RALGAPB: variants seen among roughly 807,000 people sequenced by gnomAD.
The protein encoded by RALGAPB is Ral GTPase activating protein non-catalytic subunit beta.
A neutral mutation model predicts 161.1 loss-of-function variants in RALGAPB; 25 were observed. That is an observed-to-expected ratio of 0.16 (90% confidence interval 0.11 to 0.22). The LOEUF is 0.22. RALGAPB is among the 10% of genes least tolerant of loss of function. The probability of loss-of-function intolerance (pLI) is 1.00; values close to 1 mark genes in which losing one functional copy is unlikely to be tolerated. For synonymous variants in RALGAPB, 629 were observed against 626.1 expected, an observed-to-expected ratio of 1.00 and a Z score of -0.07; for missense variants, 1,391 against 1,815.2, an observed-to-expected ratio of 0.77 and a Z score of 4.25.
Position 38,578,354 on chromosome 20 carries a change from T to A in RALGAPB, c.*3387T>A, listed in dbSNP as rs2088512108. 1 of 152,270 alleles carries A rather than the reference T, an allele frequency of 6.6e-6. No homozygotes were observed. Among genetic ancestry groups the A allele is most frequent in the African/African-American group, 2.4e-5 (1 of 41,452 alleles). The allele number at this position is 152,270 out of a possible 1,614,324, so 9.4% of individuals were successfully genotyped here. A position where few individuals can be genotyped will look rare whatever the true frequency, so the allele number is the denominator to read the frequency against. Reference sequence around the variant, plus strand: ...TACTTCTAGTGTGTTTCTCAGAATATCAACTCATGTTCTTCAGATGCTTTT... The same window carrying A: ...TACTTCTAGTGTGTTTCTCAGAATAACAACTCATGTTCTTCAGATGCTTTT... On this transcript the variant is annotated 3_prime_UTR_variant, in exon 30 of 30. Coordinates refer to ENST00000262879, the MANE Select transcript of RALGAPB (RefSeq NM_020336.4).
chr20:38,494,300 C>G (rs202185711), intron 3 of RALGAPB, among the ~76,000 whole-genome samples: 1 of 152,144 alleles, frequency 6.6e-6, no homozygotes, highest in Non-Finnish European at 1.5e-5. Flanking sequence ...CAATTAAATG[C>G]GTGTTGTTTG....
chr20:38,519,014 A>G (rs1476077111), intron 9 of RALGAPB, among the ~76,000 whole-genome samples: 1 of 152,184 alleles, frequency 6.6e-6, no homozygotes, highest in Non-Finnish European at 1.5e-5. Flanking sequence ...ACTAGGATCT[A>G]TGTCTGTGAA....
intron 23 of RALGAPB, 30 bp from the exon 24 acceptor site, chr20:38,562,502 A>C: frequency 6.5e-7 from 1 of 1,535,108 alleles, no homozygotes; most frequent in Non-Finnish European, 8.8e-7. Flanking sequence ...TGTTTCCTTC[A>C]TTATAGCTGA....
chr20:38,560,461 T>C (rs999741095), intron 23 of RALGAPB, among the ~76,000 whole-genome samples: 1 of 152,134 alleles, frequency 6.6e-6, no homozygotes, highest in African/African-American at 2.4e-5. Flanking sequence ...AAAGAGAGCA[T>C]TTCTTCATGA....
At position 38,528,426 on chromosome 20, in the gene RALGAPB, C is replaced by T. The variant is rs577385329; in HGVS notation, c.2050+2384C>T. 1.7e-4 allele frequency among the ~76,000 whole-genome samples: 26 copies of T among 151,662 alleles called. 1 individual carries two copies. The highest frequency in any genetic ancestry group is 5.8e-4 in the African/African-American group (24 of 41,262). On this transcript the variant is annotated intron_variant, in intron 13 of 29. Transcript: ENST00000262879. The stretch of plus-strand genomic sequence containing the variant: ...TTGCTCTGTTGCCCAGGCTGGAGCG[C>T]AGTGGTGCAATCATGGGTCACTGCA...
intron 26 of RALGAPB, chr20:38,569,635 A>C: frequency 2.5e-6 from 1 of 400,102 alleles, no homozygotes; most frequent in Non-Finnish European, 4.6e-6. Context: ...TATTAATGCA[A>C]ATTATAATTA....
At chr20:38,475,853 G>GT (rs2084788663) in intron 1 of RALGAPB, among the ~76,000 whole-genome samples, 1 of 152,246 alleles carries the variant, frequency 6.6e-6, no homozygotes, top group South Asian at 2.1e-4. Flanking sequence ...CTGACCTTAA[G>GT]TGATCTGCCT....
At chr20:38,498,289 CTT>C (rs929182866) in intron 4 of RALGAPB, among the ~76,000 whole-genome samples, 7 of 152,156 alleles carry the variant, frequency 4.6e-5, no homozygotes, top group African/African-American at 1.7e-4. Flanking sequence ...TTTTATAAGA[CTT>C]TACAGTGTAT....
At chr20:38,552,466 A>AT (rs1224980408) in intron 21 of RALGAPB, among the ~76,000 whole-genome samples, 2 of 152,098 alleles carry the variant, frequency 1.3e-5, no homozygotes, top group African/African-American at 4.8e-5. Context: ...GTTTTTAAAT[A>AT]TTTTTTTACA....
At chr20:38,551,016 T>G in intron 20 of RALGAPB, 55 bp from the exon 21 acceptor site, 1 of 1,569,458 alleles carries the variant, frequency 6.4e-7, no homozygotes, top group Non-Finnish European at 8.7e-7. Context: ...ATACATGTCA[T>G]TACAGATGGG....
chr20:38,516,483 G>GACAAAT (rs1433620888), intron 7 of RALGAPB, 113 bp downstream of exon 7: 84 of 1,058,710 alleles, frequency 7.9e-5, no homozygotes, highest in South Asian at 3.5e-4. Flanking sequence ...CAGATTTGAT[G>GACAAAT]ACAAATAACA....
At chr20:38,567,769 A>C (rs905041392) in intron 26 of RALGAPB, among the ~76,000 whole-genome samples, 19 of 152,186 alleles carry the variant, frequency 1.2e-4, no homozygotes, top group Admixed American at 1.2e-3. Flanking sequence ...AGATTGACTT[A>C]GAACAAAACA....
intron 26 of RALGAPB, chr20:38,568,632 A>C (rs915100133): frequency 6.6e-6 from 1 of 152,178 alleles, no homozygotes; most frequent in Non-Finnish European, 1.5e-5. Context: ...GTAAGTAGAA[A>C]ACCCTCAGGA....
intron 24 of RALGAPB, among the ~76,000 whole-genome samples, chr20:38,564,027 G>A (rs1368169276): frequency 2.0e-5 from 3 of 152,152 alleles, no homozygotes; most frequent in Non-Finnish European, 2.9e-5. Flanking sequence ...TGTCCTTATG[G>A]CAAGAAAGAT....
intron 13 of RALGAPB, among the ~76,000 whole-genome samples, chr20:38,528,829 C>A (rs1189125677): frequency 6.6e-6 from 1 of 151,996 alleles, no homozygotes; most frequent in Non-Finnish European, 1.5e-5. Flanking sequence ...TACTGGCACC[C>A]GCCACCACGC....
In RALGAPB at chr20:38,516,223, A is replaced by G. The variant is rs367559863; in HGVS notation, c.904A>G (p.Ile302Val). ...NPVDLSNPAI[I>V]SSTPKFQEQF... ...TGTGGATTTGAGTAACCCAGCTATT[A>G]TAAGCTCTACTCCCAAATTTCAGGA... The change falls in exon 7 of 30, where the codon ATA becomes GTA. Residue 302 changes from isoleucine to valine, a missense_variant. By Grantham distance (29) the Ile-to-Val change is conservative. Around this residue, in one of 3 missense-constraint regions of RALGAPB, gnomAD observed 946 missense variants for 1,257.2 expected, o/e 0.75. Transcript: ENST00000262879. The G allele has an allele frequency of 6.2e-7, 1 of 1,611,588 alleles. No homozygotes were observed. Among genetic ancestry groups the G allele is most frequent in the Non-Finnish European group, 8.5e-7 (1 of 1,178,442 alleles).
At chr20:38,506,101 A>T (rs895629390) in intron 5 of RALGAPB, among the ~76,000 whole-genome samples, 1 of 152,204 alleles carries the variant, frequency 6.6e-6, no homozygotes, top group Admixed American at 6.5e-5. Flanking sequence ...AGGGATGTGT[A>T]TGCATTGTAT....
At chr20:38,518,473 A>G (rs996563377) in intron 9 of RALGAPB, among the ~76,000 whole-genome samples, 2 of 152,188 alleles carry the variant, frequency 1.3e-5, no homozygotes, top group Admixed American at 1.3e-4. Context: ...AGAGAACTTT[A>G]TTTCAAGGGC....
intron 3 of RALGAPB, among the ~76,000 whole-genome samples, chr20:38,493,724 C>G (rs866244745): frequency 1.3e-5 from 2 of 152,140 alleles, no homozygotes; most frequent in Non-Finnish European, 1.5e-5. Context: ...CTTTGAAAAC[C>G]AGCTCTGTAA....
Sources: allele counts gnomAD v4.1 joint callset (sites outside exome capture counted in the v4.1 genomes callset), GRCh38; gene constraint gnomAD v4.1.1; regional missense constraint gnomAD v4.1.1; transcripts MANE v1.5; gene names NCBI Gene and HGNC (gene_info 2026-07-23, HGNC 2026-07-21).